PTPRD: variants seen among roughly 807,000 people sequenced by gnomAD.
PTPRD encodes the protein protein tyrosine phosphatase receptor type D.
In PTPRD, 34 loss-of-function variants were observed where a neutral mutation model predicts 214.5. The observed-to-expected ratio is 0.16, with a 90% CI of 0.12 to 0.21. The LOEUF (loss-of-function observed/expected upper bound fraction) is 0.21, where lower values mean the gene tolerates loss of function less well. PTPRD is among the 10% of genes least tolerant of loss of function. PTPRD has a pLI of 1.00. For missense variants in PTPRD, 2,545 were observed against 2,398.7 expected (o/e 1.06, Z -1.27); for synonymous variants, 1,128 against 845.7 (o/e 1.33, Z -5.79).
chr9:9,674,702 C>T (rs1034292576), intron 7 of PTPRD, among the ~76,000 whole-genome samples: 7 of 151,558 alleles, frequency 4.6e-5, no homozygotes, highest in African/African-American at 1.2e-4. Context: ...ATAAAAAGAT[C>T]GTTAGGGTAA....
chr9:8,830,932 T>C (rs1311684229), intron 11 of PTPRD, among the ~76,000 whole-genome samples: 1 of 152,184 alleles, frequency 6.6e-6, no homozygotes, highest in Non-Finnish European at 1.5e-5. Context: ...GCAAGTGATA[T>C]ATCAGCATTT....
At chr9:8,597,242 T>C (rs992357390) in intron 14 of PTPRD, among the ~76,000 whole-genome samples, 1 of 152,128 alleles carries the variant, frequency 6.6e-6, no homozygotes, top group South Asian at 2.1e-4. Context: ...ACAGGGATTC[T>C]AGTTAATAGC....
intron 9 of PTPRD, among the ~76,000 whole-genome samples, chr9:9,216,389 G>A (rs1350764700): frequency 6.6e-6 from 1 of 152,064 alleles, no homozygotes; most frequent in Non-Finnish European, 1.5e-5. Context: ...TGCTTCGCAG[G>A]GTTACAGAAA....
intron 11 of PTPRD, among the ~76,000 whole-genome samples, chr9:8,870,964 C>G (rs1361310095): frequency 6.6e-6 from 1 of 152,294 alleles, no homozygotes; most frequent in African/African-American, 2.4e-5. Flanking sequence ...GCCTTTTATT[C>G]CCTGCCTGCT....
intron 10 of PTPRD, among the ~76,000 whole-genome samples, chr9:9,180,005 C>A (rs1265712951): frequency 6.6e-6 from 1 of 151,992 alleles, no homozygotes; most frequent in South Asian, 2.1e-4. Flanking sequence ...AACAAGAAAG[C>A]TCTTTTTTAT....
At chr9:9,971,608 C>T (rs1314134615) in intron 4 of PTPRD, among the ~76,000 whole-genome samples, 2 of 152,126 alleles carry the variant, frequency 1.3e-5, no homozygotes, top group Middle Eastern at 3.4e-3. Context: ...GAAGAAAATT[C>T]GAGAATTTAC....
intron 3 of PTPRD, among the ~76,000 whole-genome samples, chr9:10,175,104 G>T (rs959021598): frequency 3.9e-5 from 6 of 152,010 alleles, no homozygotes; most frequent in African/African-American, 1.4e-4. Flanking sequence ...TGCCCTTTGG[G>T]TTAAGAGAGA....
intron 35 of PTPRD, among the ~76,000 whole-genome samples, chr9:8,428,988 C>T (rs7030220): frequency 0.073 from 11,174 of 152,136 alleles, 625 homozygotes; most frequent in African/African-American, 0.16. Context: ...GTCCCCTCTG[C>T]GGAGAAATAC....
intron 8 of PTPRD, among the ~76,000 whole-genome samples, chr9:9,470,049 A>C (rs1374663912): frequency 1.3e-5 from 2 of 152,194 alleles, no homozygotes; most frequent in Admixed American, 1.3e-4. Context: ...GAGAATAAAG[A>C]GGAGGCTTTT....
intron 7 of PTPRD, among the ~76,000 whole-genome samples, chr9:9,587,542 A>G (rs2092195171): frequency 7.0e-6 from 1 of 142,018 alleles, no homozygotes; most frequent in African/African-American, 2.5e-5. Flanking sequence ...GCAGCCCAAA[A>G]AAGACCAGTT....
chr9:10,345,598 T>C (rs1189303679), intron 2 of PTPRD, among the ~76,000 whole-genome samples: 3 of 152,202 alleles, frequency 2.0e-5, no homozygotes, highest in Non-Finnish European at 4.4e-5. Context: ...CATGAACTCA[T>C]CCTTTTTGTG....
chr9:8,518,311 A>T lies in PTPRD; in HGVS notation c.1080T>A (p.Pro360=). ...PVSYYIIQHK[P]KNSEELYKEI... ...CTTTGTAAAGTTCCTCAGAGTTTTT[A>T]GGTTTATGCTGAATTATGTAATAAG... The change falls in exon 21 of 46, where the codon CCT becomes CCA. Residue 360 remains proline (P), a synonymous_variant. Coordinates refer to ENST00000381196, the MANE Select transcript of PTPRD (RefSeq NM_002839.4). The T allele has an allele frequency of 1.9e-6, 3 of 1,614,112 alleles. No homozygotes were observed. Among genetic ancestry groups the T allele is most frequent in the African/African-American group, 1.3e-5 (1 of 75,028 alleles).
intron 10 of PTPRD, among the ~76,000 whole-genome samples, chr9:9,165,354 G>C (rs906809003): frequency 2.0e-5 from 3 of 152,158 alleles, no homozygotes; most frequent in South Asian, 2.1e-4. Context: ...TTTATGTAAG[G>C]CATTGCCTTC....
chr9:10,253,608 G>A (rs2092985231), intron 3 of PTPRD, among the ~76,000 whole-genome samples: 1 of 152,200 alleles, frequency 6.6e-6, no homozygotes, highest in Non-Finnish European at 1.5e-5. Flanking sequence ...ATTTATAAGG[G>A]CTGGAGGCTT....
intron 11 of PTPRD, among the ~76,000 whole-genome samples, chr9:8,926,120 C>A (rs911037706): frequency 5.3e-5 from 8 of 152,132 alleles, no homozygotes; most frequent in East Asian, 1.9e-4. Flanking sequence ...AGGCCCTTAA[C>A]ATGACGTGCC....
intron 3 of PTPRD, among the ~76,000 whole-genome samples, chr9:10,057,853 AAAAAAAAAC>A (rs2097686905): frequency 7.1e-6 from 1 of 140,484 alleles, no homozygotes; most frequent in African/African-American, 2.6e-5. Context: ...AAAAAAAACA[AAAAAAAAAC>A]AAAAAAAAAG....
chr9:9,625,288 A>C (rs1220847235), intron 7 of PTPRD, among the ~76,000 whole-genome samples: 1 of 152,196 alleles, frequency 6.6e-6, no homozygotes, highest in Non-Finnish European at 1.5e-5. Flanking sequence ...GCTGGAGTGC[A>C]CAGATCCCAG....
chr9:9,378,487 T>C (rs1395713452), intron 9 of PTPRD, among the ~76,000 whole-genome samples: 1 of 152,160 alleles, frequency 6.6e-6, no homozygotes. Flanking sequence ...TAAACATCTG[T>C]GTGCAGGTTT....
chr9:8,935,908 A>C (rs975197582), intron 11 of PTPRD, among the ~76,000 whole-genome samples: 10 of 152,208 alleles, frequency 6.6e-5, no homozygotes, highest in African/African-American at 2.4e-4. Context: ...TGTGTCTCCA[A>C]ATATTGCTGG....
Sources: allele counts gnomAD v4.1 joint callset (sites outside exome capture counted in the v4.1 genomes callset), GRCh38; gene constraint gnomAD v4.1.1; transcripts MANE v1.5; gene names NCBI Gene and HGNC (gene_info 2026-07-23, HGNC 2026-07-21).